The following PPM1H variants were observed in gnomAD, a reference collection of about 807,000 sequenced individuals.
PPM1H encodes the protein protein phosphatase 1H.
In PPM1H, 27 loss-of-function variants were observed where a neutral mutation model predicts 54.9. The observed-to-expected ratio is 0.49, with a 90% CI of 0.36 to 0.68. PPM1H has a LOEUF of 0.68. PPM1H is among the 30% of genes least tolerant of loss of function. The pLI is 0.00. For synonymous variants in PPM1H, 305 were observed against 270.8 expected (o/e 1.13, Z -1.24); for missense variants, 596 against 667.8 (o/e 0.89, Z 1.19).
chr12:62,792,070 C>T (rs183911063), intron 3 of PPM1H, among the ~76,000 whole-genome samples: 183 of 152,334 alleles, frequency 1.2e-3, no homozygotes, highest in African/African-American at 4.1e-3. Flanking sequence ...CGTAACAGGG[C>T]CGTCCACGGC....
At chr12:62,805,030 GT>G (rs1035475798) in intron 2 of PPM1H, among the ~76,000 whole-genome samples, 79 of 152,112 alleles carry the variant, frequency 5.2e-4, no homozygotes, top group African/African-American at 1.7e-3. Flanking sequence ...AAATCTTTTT[GT>G]TTTTTATTAA....
intron 1 of PPM1H, among the ~76,000 whole-genome samples, chr12:62,833,042 T>C (rs932171909): frequency 1.8e-4 from 28 of 152,196 alleles, no homozygotes; most frequent in African/African-American, 5.8e-4. Flanking sequence ...CAGGTGACTA[T>C]AGACTCAACT....
intron 6 of PPM1H, among the ~76,000 whole-genome samples, chr12:62,703,184 T>A (rs907264756): frequency 2.0e-5 from 3 of 152,160 alleles, no homozygotes; most frequent in African/African-American, 7.2e-5. Flanking sequence ...AACCACTTCC[T>A]GCTGAGCAAT....
chr12:62,826,712 C>T (rs1868295351), intron 2 of PPM1H, among the ~76,000 whole-genome samples: 1 of 152,208 alleles, frequency 6.6e-6, no homozygotes, highest in Admixed American at 6.5e-5. Flanking sequence ...TTTGACTTTA[C>T]TAAATTTACA....
chr12:62,726,308 T>C (rs764551531), intron 5 of PPM1H, among the ~76,000 whole-genome samples: 6 of 152,220 alleles, frequency 3.9e-5, no homozygotes, highest in Non-Finnish European at 8.8e-5. Flanking sequence ...TTTTGTGCAA[T>C]CATAAAAGTT....
At chr12:62,872,290 G>T (rs1397188524) in intron 1 of PPM1H, among the ~76,000 whole-genome samples, 1 of 152,176 alleles carries the variant, frequency 6.6e-6, no homozygotes, top group Non-Finnish European at 1.5e-5. Context: ...AAGTGCCCAT[G>T]GTTCTAGATG....
intron 4 of PPM1H, among the ~76,000 whole-genome samples, chr12:62,741,927 T>C (rs1335215477): frequency 6.6e-6 from 1 of 152,030 alleles, no homozygotes; most frequent in South Asian, 2.1e-4. Context: ...ATATAACTTA[T>C]AGTCTGAGCC....
intron 1 of PPM1H, among the ~76,000 whole-genome samples, chr12:62,849,521 G>A (rs1869100291): frequency 6.6e-6 from 1 of 152,130 alleles, no homozygotes; most frequent in African/African-American, 2.4e-5. Context: ...AAAGGAAGCT[G>A]AGCAGCTCTC....
intron 1 of PPM1H, among the ~76,000 whole-genome samples, chr12:62,839,733 T>A (rs1868653860): frequency 6.6e-6 from 1 of 152,014 alleles, no homozygotes; most frequent in African/African-American, 2.4e-5. Flanking sequence ...TCATTTATGT[T>A]AGTTTTAGTC....
chr12:62,847,360 C>T (rs1017035341), intron 1 of PPM1H, among the ~76,000 whole-genome samples: 3 of 152,122 alleles, frequency 2.0e-5, no homozygotes, highest in African/African-American at 7.2e-5. Flanking sequence ...TATAGCAAGA[C>T]CCAACTCTCA....
intron 9 of PPM1H, among the ~76,000 whole-genome samples, chr12:62,662,594 A>G (rs551354885): frequency 7.2e-5 from 11 of 152,350 alleles, no homozygotes; most frequent in African/African-American, 2.6e-4. Context: ...CATTTTACAT[A>G]TGAACAATCA....
intron 1 of PPM1H, among the ~76,000 whole-genome samples, chr12:62,898,729 T>A (rs939723145): frequency 1.4e-4 from 22 of 152,208 alleles, no homozygotes; most frequent in Non-Finnish European, 3.1e-4. Context: ...CCAACCCACA[T>A]TTCTCCAAAC....
intron 8 of PPM1H, among the ~76,000 whole-genome samples, chr12:62,676,092 C>A (rs2075984107): frequency 6.6e-6 from 1 of 152,158 alleles, no homozygotes. Flanking sequence ...CATGGGTGGC[C>A]ATGAGTGGGC....
At chr12:62,692,485 T>C (rs925931677) in intron 7 of PPM1H, among the ~76,000 whole-genome samples, 3 of 152,224 alleles carry the variant, frequency 2.0e-5, no homozygotes, top group African/African-American at 7.2e-5. Flanking sequence ...GAACAGCTTA[T>C]TTAATACTTA....
intron 4 of PPM1H, among the ~76,000 whole-genome samples, chr12:62,762,976 A>G (rs909310831): frequency 7.3e-6 from 1 of 136,506 alleles, no homozygotes; most frequent in Non-Finnish European, 1.6e-5. Flanking sequence ...GAAAGGAAAG[A>G]AACTATTTTT....
At chr12:62,672,673 G>A (rs1435177943) in intron 8 of PPM1H, among the ~76,000 whole-genome samples, 1 of 152,138 alleles carries the variant, frequency 6.6e-6, no homozygotes, top group East Asian at 1.9e-4. Flanking sequence ...ATCTGTTTTT[G>A]TACCCAGAAC....
At chr12:62,867,380 T>C (rs1308007356) in intron 1 of PPM1H, among the ~76,000 whole-genome samples, 2 of 152,030 alleles carry the variant, frequency 1.3e-5, no homozygotes, top group East Asian at 3.9e-4. Flanking sequence ...TCTTTAAACT[T>C]TCCCCTTTGA....
At chr12:62,890,898 C>G (rs983869665) in intron 1 of PPM1H, among the ~76,000 whole-genome samples, 2 of 152,004 alleles carry the variant, frequency 1.3e-5, no homozygotes, top group Non-Finnish European at 2.9e-5. Context: ...TCACCTGAGG[C>G]AGGAGTTCAG....
intron 4 of PPM1H, among the ~76,000 whole-genome samples, chr12:62,780,063 A>G (rs1232225060): frequency 6.6e-6 from 1 of 152,196 alleles, no homozygotes; most frequent in Non-Finnish European, 1.5e-5. Context: ...TAATGAGGTT[A>G]TTTATGTAAA....
Sources: gnomAD v4.1 joint callset for allele counts (sites outside exome capture counted in the v4.1 genomes callset) on GRCh38, gnomAD v4.1.1 for gene constraint, MANE v1.5 for transcripts, NCBI Gene and HGNC (gene_info 2026-07-23, HGNC 2026-07-21) for gene names.